ULK1: variants seen among roughly 807,000 people sequenced by gnomAD.
ULK1 encodes the protein unc-51 like autophagy activating kinase 1.
A neutral mutation model predicts 117.5 loss-of-function variants in ULK1; 48 were observed. The observed-to-expected ratio is 0.41, with a 90% CI of 0.32 to 0.52. The LOEUF is 0.52. Ranked by LOEUF, ULK1 falls within the 20% of genes least tolerant of loss-of-function variation. The pLI is 0.29. For missense variants in ULK1, 1,387 were observed against 1,473.4 expected, an observed-to-expected ratio of 0.94 and a Z score of 0.96; for synonymous variants, 790 against 637.8, an observed-to-expected ratio of 1.24 and a Z score of -3.60.
chr12:131,909,340 C>T, intron 8 of ULK1, 103 bp downstream of exon 8: 1 of 1,298,666 alleles, frequency 7.7e-7, no homozygotes. Flanking sequence ...CCCACGAGCT[C>T]CCCTCGGGTC....
At chr12:131,914,183 G>A (rs1889670373) in intron 15 of ULK1, among the ~76,000 whole-genome samples, 169 bp from the exon 16 acceptor site, 1 of 152,228 alleles carries the variant, frequency 6.6e-6, no homozygotes, top group Non-Finnish European at 1.5e-5. Flanking sequence ...TTTCTGGTGT[G>A]TGTAGAGGCA....
rs1295561128 is a variant in ULK1 at position 131,903,665 on chromosome 12, C to T, written c.247-3227C>T. Among the ~76,000 whole-genome samples, 1 of 152,156 alleles carries T rather than the reference C, an allele frequency of 6.6e-6. No individual in the cohort carries two copies. The highest frequency in any genetic ancestry group is 1.5e-5 in the Non-Finnish European group (1 of 68,016). On this transcript the variant is annotated intron_variant, in intron 3 of 27. Transcript: ENST00000321867. This position sits in a 1 kb window ranked among gnomAD's most constrained non-coding sequence, Gnocchi z 6.0. ...AGGTGGATGCCCCCACCCTACCCTG[C>T]AGCCCCACCCCCAGTGGCCTTGAGT...
At chr12:131,918,817 GGTGTAGAGT>G (rs1566128963) in intron 23 of ULK1, 136 bp downstream of exon 23, 3 of 643,796 alleles carry the variant, frequency 4.7e-6, no homozygotes, top group African/African-American at 1.9e-5. Context: ...TAGTGTGTGG[GGTGTAGAGT>G]GTGTGGGGTG....
chr12:131,918,086 G>A (rs562366510), intron 22 of ULK1, among the ~76,000 whole-genome samples: 22 of 152,292 alleles, frequency 1.4e-4, no homozygotes, highest in African/African-American at 4.1e-4. Flanking sequence ...GCCCCATAGC[G>A]AGGATGGGGG....
Position 131,921,160 on chromosome 12 carries a change from C to T in ULK1, c.3022C>T (p.His1008Tyr). Residue 1008 changes from histidine to tyrosine, a missense_variant, in exon 27 of 28, where the codon CAC becomes TAC. Physicochemically the swap from His to Tyr is moderately conservative, Grantham distance 83. Transcript: ENST00000321867. ...CCGTGAGGGCTGCGTCCCACGCTACCACAAGGCCCTGCTGCTCCTGGAGGG... is the reference window on the plus strand; with the variant it reads ...CCGTGAGGGCTGCGTCCCACGCTACTACAAGGCCCTGCTGCTCCTGGAGGG... ...QHREGCVPRY[H>Y]KALLLLEGLQ... 6.2e-7 allele frequency: 1 copy of T among 1,605,214 alleles called. No homozygotes were observed. The highest frequency in any genetic ancestry group is 1.1e-5 in the South Asian group (1 of 91,088).
chr12:131,907,426 AG>A, intron 4 of ULK1, 68 bp from the exon 5 acceptor site: 1 of 1,577,918 alleles, frequency 6.3e-7, no homozygotes, highest in Non-Finnish European at 8.6e-7. Flanking sequence ...AGGGGTGGGG[AG>A]GCTGGGCAGG....
intron 3 of ULK1, among the ~76,000 whole-genome samples, chr12:131,904,887 C>A (rs908239863): frequency 2.0e-5 from 3 of 152,128 alleles, no homozygotes; most frequent in African/African-American, 7.2e-5. Context: ...ATCTCCCCCT[C>A]CTTCCTGGGT....
chr12:131,920,978 T>C (rs4964915), intron 26 of ULK1, 122 bp from the exon 27 acceptor site: 1,353,523 of 1,353,534 alleles, frequency 1, 676,757 homozygotes, highest in Middle Eastern at 1. Context: ...CACTTATGTC[T>C]CCACGTCACT....
chr12:131,914,896 G>C (rs1191684600), intron 16 of ULK1, among the ~76,000 whole-genome samples, 187 bp from the exon 17 acceptor site: 1 of 152,202 alleles, frequency 6.6e-6, no homozygotes, highest in Non-Finnish European at 1.5e-5. Context: ...CTGTGTGGCC[G>C]GTTACCTGGA....
chr12:131,909,592 C>T (rs1363455294), intron 8 of ULK1, among the ~76,000 whole-genome samples, 183 bp from the exon 9 acceptor site: 5 of 152,152 alleles, frequency 3.3e-5, no homozygotes, highest in Non-Finnish European at 5.9e-5. Flanking sequence ...GAGAGACCGT[C>T]GGCGCCCCCT....
At position 131,915,439 on chromosome 12, in the gene ULK1, G is replaced by A. The variant is rs201018467; in HGVS notation, c.1609+18G>A. The A allele has an allele frequency of 2.2e-5, 35 of 1,610,960 alleles. No homozygotes were observed. The highest frequency in any genetic ancestry group is 8.0e-5 in the African/African-American group (6 of 74,920). On this transcript the variant is annotated intron_variant, in intron 18 of 27. Coordinates refer to ENST00000321867, the MANE Select transcript of ULK1 (RefSeq NM_003565.4). Reference sequence around the variant, plus strand: ...TCGTCCAGGTGGGTGCAGTCCGGAGGGGGGAGGGGGTGCTAGGCTGACCTC... The same window carrying A: ...TCGTCCAGGTGGGTGCAGTCCGGAGAGGGGAGGGGGTGCTAGGCTGACCTC...
At chr12:131,895,881 G>C (rs1384918059) in intron 3 of ULK1, 57 bp downstream of exon 3, 1 of 1,605,334 alleles carries the variant, frequency 6.2e-7, no homozygotes, top group African/African-American at 1.3e-5. Flanking sequence ...GTGGCCCCAG[G>C]TGCTGGATCC....
rs574732284 is a variant in ULK1, at chr12:131,913,620, G to A, written c.1158-127G>A. Reference sequence around the variant, plus strand: ...CTCGGGAGGCTGAGGCAGGAGAATCGCTTGAACCCAGGAAGCAGAGGTTGC... The same window carrying A: ...CTCGGGAGGCTGAGGCAGGAGAATCACTTGAACCCAGGAAGCAGAGGTTGC... On this transcript the variant is annotated intron_variant, in intron 14 of 27. Transcript: ENST00000321867. 2.9e-4 allele frequency: 186 copies of A among 635,728 alleles called. 2 individuals carry two copies. The African/African-American group carries it at 3.2e-3, about 11-fold the overall frequency. 39.4% of individuals were successfully genotyped at this position (635,728 alleles called of 1,614,324 possible).
At position 131,894,937 on chromosome 12, in the gene ULK1, T is replaced by G; in HGVS notation, c.-65T>G. 3 of 59,386 alleles carry G rather than the reference T, an allele frequency of 5.1e-5. No individual in the cohort carries two copies. Among genetic ancestry groups the G allele is most frequent in the South Asian group, 5.7e-4 (1 of 1,740 alleles). 3.7% of individuals were successfully genotyped at this position (59,386 alleles called of 1,614,324 possible). A position where few individuals can be genotyped will look rare whatever the true frequency, so the allele number is the denominator to read the frequency against. ...CGGCCCGCCCGCCCCGGCCCGCGCCTCCGCCTGAGTCCCCCGCGCCTTGGC... is the reference window on the plus strand; with the variant it reads ...CGGCCCGCCCGCCCCGGCCCGCGCCGCCGCCTGAGTCCCCCGCGCCTTGGC... On this transcript the variant is annotated 5_prime_UTR_variant, in exon 1 of 28. Transcript: ENST00000321867.
chr12:131,903,038 A>G lies in ULK1; in HGVS notation c.247-3854A>G, dbSNP rs1889146546. Among the ~76,000 whole-genome samples the G allele has an allele frequency of 6.6e-6, 1 of 152,076 alleles. No homozygotes were observed. The highest frequency in any genetic ancestry group is 2.1e-4 in the South Asian group (1 of 4,826). On this transcript the variant is annotated intron_variant, in intron 3 of 27. Transcript: ENST00000321867. This position sits in a 1 kb window ranked among gnomAD's most constrained non-coding sequence, Gnocchi z 6.0. ...CCCTGTGTGGGTTCTGGGTGGGCCC[A>G]GGGGAGGTCAGCTGTGGCCGGTGAG...
chr12:131,915,599 C>A (rs1016796951), intron 18 of ULK1, among the ~76,000 whole-genome samples, 178 bp downstream of exon 18: 3 of 152,156 alleles, frequency 2.0e-5, no homozygotes, highest in African/African-American at 7.2e-5. Context: ...GTTTCTTATC[C>A]CCTCTGTGCC....
rs1888835634 is a variant in ULK1, at chr12:131,895,637, A to T, written c.148A>T (p.Lys50Ter). 6.2e-7 allele frequency: 1 copy of T among 1,614,080 alleles called. No homozygotes were observed. Among genetic ancestry groups the T allele is most frequent in the Non-Finnish European group, 8.5e-7 (1 of 1,180,002 alleles). Reference protein sequence around the residue: ...DLEVAVKCINKKNLAKSQTLL... With the variant: ...DLEVAVKCIN Reference sequence around the variant, plus strand: ...GGAGGTCGCCGTCAAGTGCATTAACAAGAAGAACCTCGCCAAGTCTCAGAC... The same window carrying T: ...GGAGGTCGCCGTCAAGTGCATTAACTAGAAGAACCTCGCCAAGTCTCAGAC... The change falls in exon 2 of 28, where the codon AAG becomes TAG. Residue 50 changes from lysine (K) to a stop codon, truncating the protein, a stop_gained. Transcript: ENST00000321867. LOFTEE classifies it high-confidence loss of function.
intron 8 of ULK1, 66 bp from the exon 9 acceptor site, chr12:131,909,709 C>G (rs1329240288): frequency 2.1e-6 from 3 of 1,459,880 alleles, no homozygotes; most frequent in African/African-American, 2.8e-5. Context: ...ACGAACGCAC[C>G]GAGACCCCGT....
In ULK1 at chr12:131,910,367, T is replaced by A; in HGVS notation, c.859+63T>A. 3.7e-6 allele frequency: 6 copies of A among 1,604,700 alleles called. No homozygotes were observed. The South Asian group carries it at 6.6e-5, about 18-fold the overall frequency. On this transcript the variant is annotated intron_variant, in intron 11 of 27. Transcript: ENST00000321867. The stretch of plus-strand genomic sequence containing the variant: ...TGCATGCACCCCTTCCTCCCCGGGT[T>A]TGGTTAGGGCACTGAGTGTGGGGCA...
Sources: gnomAD v4.1 joint callset for allele counts (sites outside exome capture counted in the v4.1 genomes callset) on GRCh38, gnomAD v4.1.1 for gene constraint, Gnocchi (gnomAD v3.1) non-coding constraint, MANE v1.5 for transcripts, NCBI Gene and HGNC (gene_info 2026-07-23, HGNC 2026-07-21) for gene names.